SLCO3A1: variants seen among roughly 807,000 people sequenced by gnomAD.
SLCO3A1 encodes the protein solute carrier organic anion transporter family member 3A1, also known as PGE1 transporter.
In SLCO3A1, 27 loss-of-function variants were observed where a neutral mutation model predicts 63.1. That is an observed-to-expected ratio of 0.43 (90% CI 0.32 to 0.59). The LOEUF (loss-of-function observed/expected upper bound fraction) is 0.59. Among genes scored for constraint, SLCO3A1 ranks in the 20% least tolerant of loss-of-function variants. The pLI is 0.09. For synonymous variants in SLCO3A1, 473 were observed against 409.9 expected (o/e 1.15, Z -1.86); for missense variants, 773 against 945.8 (o/e 0.82, Z 2.40).
intron 7 of SLCO3A1, among the ~76,000 whole-genome samples, chr15:92,134,607 T>G (rs2151574573): frequency 6.6e-6 from 1 of 152,322 alleles, no homozygotes; most frequent in Non-Finnish European, 1.5e-5. Flanking sequence ...ATAAAAAATA[T>G]TGGAAGAACA....
At chr15:91,969,718 C>A (rs1900789089) in intron 2 of SLCO3A1, among the ~76,000 whole-genome samples, 1 of 152,208 alleles carries the variant, frequency 6.6e-6, no homozygotes, top group Non-Finnish European at 1.5e-5. Context: ...TAGAAGTGCT[C>A]CCTTGTTGGG....
At chr15:92,111,977 C>T (rs2047734711) in intron 4 of SLCO3A1, among the ~76,000 whole-genome samples, 2 of 152,212 alleles carry the variant, frequency 1.3e-5, no homozygotes, top group Non-Finnish European at 2.9e-5. Flanking sequence ...AGAACTGTTT[C>T]AGTCACATTA....
chr15:91,878,652 C>G (rs571477221), intron 1 of SLCO3A1, among the ~76,000 whole-genome samples: 1 of 152,124 alleles, frequency 6.6e-6, no homozygotes, highest in Non-Finnish European at 1.5e-5. Flanking sequence ...ATCAGATTCT[C>G]ATTTTATGTC....
At chr15:91,923,689 A>C (rs1301251941) in intron 2 of SLCO3A1, among the ~76,000 whole-genome samples, 1 of 152,236 alleles carries the variant, frequency 6.6e-6, no homozygotes, top group African/African-American at 2.4e-5. Flanking sequence ...AAACCTAAAT[A>C]ATATGTAATC....
At chr15:91,932,514 C>T (rs182916742) in intron 2 of SLCO3A1, among the ~76,000 whole-genome samples, 92 of 151,904 alleles carry the variant, frequency 6.1e-4, no homozygotes, top group African/African-American at 2.2e-3. Context: ...GGCATGATCT[C>T]GGCTCACAGG....
chr15:92,143,437 ATAAT>A (rs1484074103), intron 7 of SLCO3A1, among the ~76,000 whole-genome samples: 2 of 9,080 alleles, frequency 2.2e-4, no homozygotes, highest in African/African-American at 2.2e-3. Context: ...TATAATATAT[ATAAT>A]ATATATATAA....
chr15:91,878,561 G>A (rs1336007378), intron 1 of SLCO3A1, among the ~76,000 whole-genome samples: 4 of 152,156 alleles, frequency 2.6e-5, no homozygotes, highest in Non-Finnish European at 1.5e-5. Flanking sequence ...TGAAGCTTCC[G>A]CTCGGTATGC....
Position 91,856,687 on chromosome 15 carries a change from C to G in SLCO3A1, c.180+2599C>G, listed in dbSNP as rs76672250. Among the ~76,000 whole-genome samples, 4 of 152,134 alleles carry G rather than the reference C, an allele frequency of 2.6e-5. No homozygotes were observed. The highest frequency in any genetic ancestry group is 9.7e-5 in the African/African-American group (4 of 41,430). On this transcript the variant is annotated intron_variant, in intron 1 of 9. Transcript: ENST00000318445. This position sits in a 1 kb window ranked among gnomAD's most constrained non-coding sequence, Gnocchi z 4.9. ...GTCCACGTGCTAAGTGTGCGTTATA[C>G]GTGATCCTTACCTTGGCAATCAGCC...
chr15:92,106,807 GC>G (rs1160937718), intron 4 of SLCO3A1, among the ~76,000 whole-genome samples: 1 of 152,176 alleles, frequency 6.6e-6, no homozygotes, highest in Non-Finnish European at 1.5e-5. Context: ...GCAGAGAGAA[GC>G]CCACCGCTCC....
In SLCO3A1 at chr15:91,916,328, T is replaced by G. The variant is rs150486559; in HGVS notation, c.516T>G (p.Ala172=). The change falls in exon 2 of 10, where the codon GCT becomes GCG. Residue 172 remains alanine, a synonymous_variant. Coordinates refer to ENST00000318445, the MANE Select transcript of SLCO3A1 (RefSeq NM_013272.4). This position sits in a 1 kb window ranked among gnomAD's most constrained non-coding sequence, Gnocchi z 6.2. ...ACCTCATCTGCCGCAACCGGACGGCTACCAACATGATGTACTTGCTGCTCA... is the reference window on the plus strand; with the variant it reads ...ACCTCATCTGCCGCAACCGGACGGCGACCAACATGATGTACTTGCTGCTCA... The part of the protein sequence containing the change: ...DPDLICRNRT[A]TNMMYLLLIG... 2.5e-6 allele frequency: 4 copies of G among 1,602,960 alleles called. No individual in the cohort carries two copies. In the African/African-American group the frequency reaches 5.3e-5, roughly 21 times the overall value.
rs186410075 is a variant in SLCO3A1, at chr15:91,911,041, C to G, written c.181-4952C>G. ...CACCTTTTGAAGGTGAGGATGGGCT[C>G]ATGAATACTTGGCCGTGGCCTCTGA... On this transcript the variant is annotated intron_variant, in intron 1 of 9. Transcript: ENST00000318445. 2.0e-5 allele frequency among the ~76,000 whole-genome samples: 3 copies of G among 152,308 alleles called. 1 individual carries two copies. In the East Asian group the frequency reaches 5.8e-4, roughly 29 times the overall value.
chr15:91,855,853 G>T (rs959399708), intron 1 of SLCO3A1, among the ~76,000 whole-genome samples: 6 of 152,050 alleles, frequency 3.9e-5, no homozygotes, highest in Non-Finnish European at 8.8e-5. Context: ...CCACTTTAAC[G>T]GTTTGTTTGC....
downstream of SLCO3A1, among the ~76,000 whole-genome samples, chr15:92,170,263 A>G (rs559577889): frequency 4.6e-5 from 7 of 152,296 alleles, no homozygotes; most frequent in South Asian, 8.3e-4. Context: ...AAGGATCCCA[A>G]CTGAACACAG....
chr15:91,901,701 T>C (rs995714036), intron 1 of SLCO3A1, among the ~76,000 whole-genome samples: 2 of 152,234 alleles, frequency 1.3e-5, no homozygotes, highest in African/African-American at 4.8e-5. Flanking sequence ...TTAATCTTAT[T>C]GAGGACCCTG....
At chr15:92,160,077 C>T (rs1023750973) in intron 9 of SLCO3A1, among the ~76,000 whole-genome samples, 2 of 152,036 alleles carry the variant, frequency 1.3e-5, no homozygotes, top group East Asian at 1.9e-4. Context: ...CTTGGCTCCC[C>T]GTCACCAGGT....
chr15:92,032,704 C>T lies in SLCO3A1; in HGVS notation c.647-62177C>T, dbSNP rs552658184. Among the ~76,000 whole-genome samples the T allele has an allele frequency of 7.9e-5, 12 of 152,124 alleles. No homozygotes were observed. In the South Asian group the frequency reaches 1.0e-3, roughly 13 times the overall value. On this transcript the variant is annotated intron_variant, in intron 2 of 9. Transcript: ENST00000318445. The stretch of plus-strand genomic sequence containing the variant: ...ATCTTGCAGGTGCAGAGGCCCCCAT[C>T]GAAGGCGGTTGCGATGCTCCTGGCA...
At chr15:92,090,573 C>T (rs1049675223) in intron 2 of SLCO3A1, among the ~76,000 whole-genome samples, 1 of 152,138 alleles carries the variant, frequency 6.6e-6, no homozygotes, top group Non-Finnish European at 1.5e-5. Flanking sequence ...GTGGGGTGGA[C>T]TCCGGACATC....
In SLCO3A1 at chr15:92,164,853, G is replaced by A. The variant is rs192765272; in HGVS notation, c.*1718G>A. 8 of 985,368 alleles carry A rather than the reference G, an allele frequency of 8.1e-6. No individual in the cohort carries two copies. The East Asian group carries it at 4.5e-4, about 56-fold the overall frequency. 61.0% of individuals were successfully genotyped at this position (985,368 alleles called of 1,614,324 possible). A position where few individuals can be genotyped will look rare whatever the true frequency, so the allele number is the denominator to read the frequency against. On this transcript the variant is annotated 3_prime_UTR_variant, in exon 10 of 10. Coordinates refer to ENST00000318445, the MANE Select transcript of SLCO3A1 (RefSeq NM_013272.4). ...ATTTCTGTAAGGGGACAGAGCTTAG[G>A]TAAAGGCACACACTCATACACACAC... is the stretch of plus-strand genomic sequence containing the variant.
chr15:91,934,172 G>A (rs1391246966), intron 2 of SLCO3A1, among the ~76,000 whole-genome samples: 2 of 152,168 alleles, frequency 1.3e-5, no homozygotes, highest in African/African-American at 4.8e-5. Flanking sequence ...AGTACCATAG[G>A]GGTGATGGTG....
Sources: allele counts gnomAD v4.1 joint callset (sites outside exome capture counted in the v4.1 genomes callset), GRCh38; gene constraint gnomAD v4.1.1; non-coding constraint Gnocchi (gnomAD v3.1); transcripts MANE v1.5; gene names NCBI Gene and HGNC (gene_info 2026-07-23, HGNC 2026-07-21).